The following VPS8 variants were observed in gnomAD, a reference collection of about 807,000 sequenced individuals.
VPS8 encodes VPS8 subunit of CORVET complex, also known as vacuolar protein sorting-associated protein 8 homolog.
VPS8 carries 129 observed loss-of-function variants against 216.4 expected under a neutral mutation model. That is an observed-to-expected ratio of 0.60 (90% CI 0.52 to 0.69). VPS8 has a LOEUF of 0.69. Ranked by LOEUF, VPS8 falls within the 30% of genes least tolerant of loss-of-function variation. The pLI is 0.00. For synonymous variants in VPS8, 571 were observed against 565.4 expected, an observed-to-expected ratio of 1.01 and a Z score of -0.14; for missense variants, 1,531 against 1,683.5, an observed-to-expected ratio of 0.91 and a Z score of 1.59.
At chr3:184,830,161 AT>A (rs968023883) in intron 3 of VPS8, among the ~76,000 whole-genome samples, 3 of 151,202 alleles carry the variant, frequency 2.0e-5, no homozygotes, top group Admixed American at 6.6e-5. Context: ...TTCATCTGGA[AT>A]TTTTTTTGGG....
At chr3:184,881,609 T>C (rs1018193656) in intron 21 of VPS8, among the ~76,000 whole-genome samples, 2 of 152,130 alleles carry the variant, frequency 1.3e-5, no homozygotes, top group Non-Finnish European at 1.5e-5. Flanking sequence ...TGAAAATTGC[T>C]TCAACTATTC....
At chr3:184,860,931 C>T (rs1427258613) in intron 15 of VPS8, among the ~76,000 whole-genome samples, 1 of 151,678 alleles carries the variant, frequency 6.6e-6, no homozygotes, top group African/African-American at 2.4e-5. Flanking sequence ...AAGCAATTCT[C>T]CTGCCTCAGC....
chr3:185,038,717 G>A (rs1424534612), intron 46 of VPS8, among the ~76,000 whole-genome samples: 3 of 152,208 alleles, frequency 2.0e-5, no homozygotes, highest in Non-Finnish European at 4.4e-5. Context: ...CTCTGGAGCT[G>A]AGGATAGGGA....
At chr3:184,895,345 G>T (rs1307575917) in intron 23 of VPS8, among the ~76,000 whole-genome samples, 1 of 151,888 alleles carries the variant, frequency 6.6e-6, no homozygotes, top group East Asian at 1.9e-4. Flanking sequence ...AAAATATGAT[G>T]CCATTTTAAA....
At chr3:184,861,005 G>A (rs1314798283) in intron 15 of VPS8, among the ~76,000 whole-genome samples, 2 of 151,906 alleles carry the variant, frequency 1.3e-5, no homozygotes, top group Non-Finnish European at 2.9e-5. Flanking sequence ...TGTATTTTTA[G>A]TACAGACAGG....
intron 45 of VPS8, among the ~76,000 whole-genome samples, chr3:185,000,841 G>A (rs574943090): frequency 3.8e-4 from 58 of 152,150 alleles, no homozygotes; most frequent in African/African-American, 1.2e-3. Flanking sequence ...TCCTGACCTC[G>A]TGATCTGCCC....
intron 47 of VPS8, among the ~76,000 whole-genome samples, chr3:185,049,511 T>G (rs894473901): frequency 2.0e-5 from 3 of 152,100 alleles, no homozygotes. Context: ...TCCTTATCAC[T>G]CACGGAGGCC....
chr3:185,018,721 A>G (rs542285640), intron 45 of VPS8, among the ~76,000 whole-genome samples: 7 of 152,336 alleles, frequency 4.6e-5, no homozygotes, highest in African/African-American at 1.7e-4. Context: ...GAGTAATTTA[A>G]AAGGAAACGG....
chr3:184,868,917 G>A, intron 18 of VPS8, 29 bp from the exon 19 acceptor site: 1 of 1,577,732 alleles, frequency 6.3e-7, no homozygotes, highest in Non-Finnish European at 8.6e-7. Flanking sequence ...AGACAAAGGG[G>A]CCTGGTTTCT....
intron 10 of VPS8, 32 bp downstream of exon 10, chr3:184,850,054 T>C (rs1246149987): frequency 6.5e-7 from 1 of 1,538,466 alleles, no homozygotes; most frequent in East Asian, 2.2e-5. Flanking sequence ...CCTAATAATT[T>C]TTTTATTATG....
At chr3:184,926,097 C>T (rs115089476) in intron 30 of VPS8, among the ~76,000 whole-genome samples, 2,705 of 147,268 alleles carry the variant, frequency 0.018, 88 homozygotes, top group African/African-American at 0.063. Flanking sequence ...GTTGCCAGGC[C>T]GGATGCGATG....
intron 39 of VPS8, among the ~76,000 whole-genome samples, chr3:184,969,901 CTTTTTTTTTTTTTTTT>C (rs755680287): frequency 4.5e-5 from 5 of 110,220 alleles, no homozygotes; most frequent in Non-Finnish European, 7.3e-5. Flanking sequence ...TACTTTCTTA[CTTTTTTTTTTTTTTTT>C]TTTTTTTTTT....
chr3:184,947,263 A>G (rs1233569643), intron 36 of VPS8, among the ~76,000 whole-genome samples: 1 of 152,132 alleles, frequency 6.6e-6, no homozygotes, highest in Non-Finnish European at 1.5e-5. Context: ...ACAATCCTCA[A>G]TATTTTGGGG....
chr3:184,960,850 A>G (rs753641639), intron 37 of VPS8, among the ~76,000 whole-genome samples: 22 of 152,346 alleles, frequency 1.4e-4, no homozygotes, highest in Non-Finnish European at 2.9e-4. Flanking sequence ...GGAGACTCAC[A>G]TATGAAGTTA....
At chr3:184,821,366 C>T (rs1469712213) in intron 1 of VPS8, among the ~76,000 whole-genome samples, 1 of 150,560 alleles carries the variant, frequency 6.6e-6, no homozygotes, top group African/African-American at 2.5e-5. Context: ...TTTTTAGAGA[C>T]GGAGTCTTGC....
intron 46 of VPS8, among the ~76,000 whole-genome samples, chr3:185,029,132 G>A (rs1200999056): frequency 6.6e-6 from 1 of 152,098 alleles, no homozygotes; most frequent in African/African-American, 2.4e-5. Flanking sequence ...TCCTTAGTTG[G>A]GTATATATTT....
At chr3:185,007,588 A>G (rs4258947) in intron 45 of VPS8, among the ~76,000 whole-genome samples, 135,336 of 152,214 alleles carry the variant, frequency 0.89, 61,556 homozygotes, top group Non-Finnish European at 0.98. Flanking sequence ...TAATAAGCTA[A>G]CACATTGTTA....
chr3:185,036,845 T>C (rs1758975410), intron 46 of VPS8, among the ~76,000 whole-genome samples: 3 of 152,082 alleles, frequency 2.0e-5, no homozygotes, highest in African/African-American at 2.4e-5. Flanking sequence ...ATTTTTACTT[T>C]ACCATCTGTA....
At chr3:185,003,206 G>A (rs2109931173) in intron 45 of VPS8, among the ~76,000 whole-genome samples, 1 of 139,748 alleles carries the variant, frequency 7.2e-6, no homozygotes, top group Non-Finnish European at 1.5e-5. Flanking sequence ...CGCAGAGGGG[G>A]ATTTGGCAGG....
Sources: gnomAD v4.1 joint callset for allele counts (sites outside exome capture counted in the v4.1 genomes callset) on GRCh38, gnomAD v4.1.1 for gene constraint, MANE v1.5 for transcripts, NCBI Gene and HGNC (gene_info 2026-07-23, HGNC 2026-07-21) for gene names.